Variants in PROM1 observed in about 807,000 individuals in gnomAD.
PROM1 encodes the protein prominin 1, also known as prominin-1.
Under a neutral mutation model 116.9 loss-of-function variants are expected in PROM1, and 105 were observed. The ratio of observed to expected loss-of-function variants is 0.90; its 90% confidence interval spans 0.77 to 1.06. The LOEUF is 1.06. Ranked by LOEUF, PROM1 falls within the 50% of genes least tolerant of loss-of-function variation. PROM1 has a pLI of 0.00. For synonymous variants in PROM1, 393 were observed against 387.0 expected (o/e 1.02, Z -0.18); for missense variants, 1,122 against 1,045.2 (o/e 1.07, Z -1.01).
chr4:16,030,526 CAT>C (rs945453786), intron 5 of PROM1, among the ~76,000 whole-genome samples: 40 of 152,012 alleles, frequency 2.6e-4, no homozygotes, highest in Admixed American at 1.5e-3. Context: ...TTAGAAAAAA[CAT>C]ATATTGATTT....
intron 2 of PROM1, among the ~76,000 whole-genome samples, chr4:16,068,652 CAATTCTAG>C (rs1742094193): frequency 6.6e-6 from 1 of 152,168 alleles, no homozygotes; most frequent in Admixed American, 6.5e-5. Flanking sequence ...AAGTGTCGCT[CAATTCTAG>C]AATTGCAAAT....
At chr4:16,079,719 T>C (rs1744646076) in intron 1 of PROM1, among the ~76,000 whole-genome samples, 1 of 152,150 alleles carries the variant, frequency 6.6e-6, no homozygotes, top group Non-Finnish European at 1.5e-5. Flanking sequence ...GACTGATCCT[T>C]CAAACAAAGT....
intron 13 of PROM1, among the ~76,000 whole-genome samples, chr4:16,001,612 GGTCGGCT>G (rs1205636022): frequency 6.6e-6 from 1 of 152,148 alleles, no homozygotes; most frequent in East Asian, 1.9e-4. Context: ...AGGAAGGAAT[GGTCGGCT>G]GTCACCAACC....
intron 8 of PROM1, among the ~76,000 whole-genome samples, chr4:16,019,045 G>A (rs1013779439): frequency 6.6e-6 from 1 of 152,204 alleles, no homozygotes; most frequent in African/African-American, 2.4e-5. Flanking sequence ...GCTATTTGCT[G>A]TGTGACTAAA....
intron 26 of PROM1, chr4:15,971,306 C>A (rs1286208584): frequency 4.2e-5 from 21 of 503,628 alleles, no homozygotes; most frequent in Non-Finnish European, 7.1e-5. Flanking sequence ...GATAAACAGA[C>A]TATGACAAGT....
chr4:16,075,269 A>G (rs11733197), intron 2 of PROM1, among the ~76,000 whole-genome samples: 76,060 of 152,060 alleles, frequency 0.5, 19,670 homozygotes, highest in Non-Finnish European at 0.57. Context: ...GGTGGGCAGA[A>G]GAGAGTTAAA....
intron 13 of PROM1, among the ~76,000 whole-genome samples, chr4:16,000,955 G>T (rs536261911): frequency 5.9e-5 from 9 of 152,170 alleles, no homozygotes; most frequent in Admixed American, 3.3e-4. Flanking sequence ...GGACCCACGA[G>T]GGGTAGCCAA....
chr4:15,978,318 C>G (rs1017355590), intron 26 of PROM1, among the ~76,000 whole-genome samples: 6 of 152,114 alleles, frequency 3.9e-5, no homozygotes, highest in African/African-American at 1.2e-4. Flanking sequence ...TTACAATGTT[C>G]AAAGTTTTAA....
intron 27 of PROM1, among the ~76,000 whole-genome samples, chr4:15,969,888 T>C (rs1713978550): frequency 6.6e-6 from 1 of 152,128 alleles, no homozygotes; most frequent in Non-Finnish European, 1.5e-5. Context: ...GAAAAAATTT[T>C]AAGTCCATAA....
intron 19 of PROM1, 101 bp from the exon 20 acceptor site, chr4:15,987,817 T>C: frequency 1.1e-6 from 1 of 916,288 alleles, no homozygotes; most frequent in Admixed American, 2.2e-5. Flanking sequence ...AAATCTGTCT[T>C]TACACTGTAA....
intron 2 of PROM1, among the ~76,000 whole-genome samples, chr4:16,068,428 C>T (rs1742049005): frequency 1.3e-5 from 2 of 152,200 alleles, no homozygotes; most frequent in Admixed American, 1.3e-4. Context: ...GATAATGAAG[C>T]TCCCTCCATT....
At chr4:16,024,817 T>C (rs1270500812) in intron 6 of PROM1, among the ~76,000 whole-genome samples, 1 of 152,182 alleles carries the variant, frequency 6.6e-6, no homozygotes, top group Non-Finnish European at 1.5e-5. Flanking sequence ...GATGGTTTCA[T>C]TACAAGAGTA....
chr4:16,013,216 A>G, intron 11 of PROM1, 59 bp downstream of exon 11: 1 of 1,350,330 alleles, frequency 7.4e-7, no homozygotes. Flanking sequence ...AATACTTGGC[A>G]ACACATTTCT....
Position 16,000,555 on chromosome 4 carries a change from A to C in PROM1, c.1519T>G (p.Phe507Val). The change falls in exon 14 of 28, where the codon TTT becomes GTT. Residue 507 changes from phenylalanine (F) to valine (V), a missense_variant. Phe to Val is a conservative substitution (Grantham distance 50). Transcript: ENST00000447510. ...LMIIVVLTFV[F>V]GANVEKLICE... ...ATCAGTTTTTCCACATTTGCACCAA[A>C]GACAAAGGTAAGAACCACAATGATC... The C allele has an allele frequency of 6.3e-7, 1 of 1,591,506 alleles. No individual in the cohort carries two copies. The highest frequency in any genetic ancestry group is 8.6e-7 in the Non-Finnish European group (1 of 1,159,876).
In PROM1 at chr4:16,022,885, A is replaced by G. The variant is rs1730256986; in HGVS notation, c.784+441T>C. Reference sequence around the variant, plus strand: ...CCCTCTGATTGACCTAAATGTCTATAGGTTCCTCGTCTTCTGTATCAGGGT... The same window carrying G: ...CCCTCTGATTGACCTAAATGTCTATGGGTTCCTCGTCTTCTGTATCAGGGT... On this transcript the variant is annotated intron_variant, in intron 8 of 27. Coordinates refer to ENST00000447510, the MANE Select transcript of PROM1 (RefSeq NM_006017.3). 2.0e-5 allele frequency among the ~76,000 whole-genome samples: 3 copies of G among 152,316 alleles called. No homozygotes were observed. In the South Asian group the frequency reaches 6.2e-4, roughly 32 times the overall value.
chr4:16,075,591 C>T (rs1743777510), intron 2 of PROM1, 96 bp downstream of exon 2: 1 of 1,210,774 alleles, frequency 8.3e-7, no homozygotes, highest in South Asian at 1.7e-5. Context: ...CGCTAAAATA[C>T]TGAATATATT....
chr4:16,030,760 T>C (rs953784667), intron 5 of PROM1, among the ~76,000 whole-genome samples: 2 of 152,188 alleles, frequency 1.3e-5, no homozygotes, highest in Admixed American at 6.5e-5. Context: ...AAACCCATTG[T>C]AGTGGCTAGG....
chr4:16,013,378 G>C, intron 10 of PROM1, 40 bp from the exon 11 acceptor site: 1 of 1,448,830 alleles, frequency 6.9e-7, no homozygotes, highest in Non-Finnish European at 9.7e-7. Context: ...ACACAGTTAA[G>C]TCAAAGACTA....
rs1228791534 is a variant in PROM1, at chr4:16,052,208, TG to T, written c.221-13208del. On this transcript the variant is annotated intron_variant, in intron 2 of 27. Coordinates refer to ENST00000447510, the MANE Select transcript of PROM1 (RefSeq NM_006017.3). ...AATGCCAGGCTAAATCAAGCCTCCTTGGCAACTGAAGAAGTACCCAGCCTTT... is the reference window on the plus strand; with the variant it reads ...AATGCCAGGCTAAATCAAGCCTCCTTGCAACTGAAGAAGTACCCAGCCTTT... Among the ~76,000 whole-genome samples, 76 of 152,284 alleles carry T rather than the reference TG, an allele frequency of 5.0e-4. 1 individual carries two copies. Among genetic ancestry groups the T allele is most frequent in the African/African-American group, 1.8e-3 (75 of 41,550 alleles).
Sources: gnomAD v4.1 joint callset for allele counts (sites outside exome capture counted in the v4.1 genomes callset) on GRCh38, gnomAD v4.1.1 for gene constraint, MANE v1.5 for transcripts, NCBI Gene and HGNC (gene_info 2026-07-23, HGNC 2026-07-21) for gene names.